Variants in GNB5 observed in about 807,000 individuals in gnomAD.
GNB5 encodes G protein subunit beta 5, also known as guanine nucleotide-binding protein subunit beta-5.
A neutral mutation model predicts 55.3 loss-of-function variants in GNB5; 37 were observed. The ratio of observed to expected loss-of-function variants is 0.67; its 90% CI spans 0.51 to 0.88. The LOEUF (loss-of-function observed/expected upper bound fraction) is 0.88. Among genes scored for constraint, GNB5 ranks in the 40% least tolerant of loss-of-function variants. GNB5 has a pLI of 0.00. For missense variants in GNB5, 476 were observed against 515.3 expected (o/e 0.92, Z 0.74); for synonymous variants, 219 against 198.5 (o/e 1.10, Z -0.87).
At chr15:52,148,378 G>T (rs2034021889) in intron 5 of GNB5, among the ~76,000 whole-genome samples, 1 of 152,284 alleles carries the variant, frequency 6.6e-6, no homozygotes, top group African/African-American at 2.4e-5. Flanking sequence ...ATGAGAACTG[G>T]TAAAATGGAA....
chr15:52,158,214 T>C (rs1300287719), intron 3 of GNB5, among the ~76,000 whole-genome samples: 3 of 152,250 alleles, frequency 2.0e-5, no homozygotes, highest in Non-Finnish European at 2.9e-5. Context: ...GGTCAAAGCC[T>C]GGCTCTGTCG....
intron 11 of GNB5, 78 bp downstream of exon 11, chr15:52,125,870 C>A (rs1474221070): frequency 2.9e-6 from 2 of 684,406 alleles, no homozygotes; most frequent in Admixed American, 2.3e-5. Flanking sequence ...TGAAAAGGAA[C>A]TGAGCGATGA....
rs533728773 is a variant in GNB5, at chr15:52,118,433, G to A, written c.*4324C>T. The A allele has an allele frequency of 6.6e-6, 1 of 152,026 alleles. No homozygotes were observed. Among genetic ancestry groups the A allele is most frequent in the Admixed American group, 6.6e-5 (1 of 15,264 alleles). 9.4% of individuals were successfully genotyped at this position (152,026 alleles called of 1,614,324 possible). A position where few individuals can be genotyped will look rare whatever the true frequency, so the allele number is the denominator to read the frequency against. On this transcript the variant is annotated 3_prime_UTR_variant, in exon 13 of 13. Coordinates refer to ENST00000261837, the MANE Select transcript of GNB5 (RefSeq NM_016194.4). The stretch of plus-strand genomic sequence containing the variant: ...TTTTCCAGAGACTACTGGCATGGGA[G>A]AAAGATCACCTTGATGGCTAATGGA...
At chr15:52,179,122 C>T in intron 3 of GNB5, among the ~76,000 whole-genome samples, 1 of 152,216 alleles carries the variant, frequency 6.6e-6, no homozygotes, top group East Asian at 1.9e-4. Flanking sequence ...TTTAAGATCG[C>T]TATGGCTTTT....
At chr15:52,155,642 T>C (rs28409853) in intron 3 of GNB5, among the ~76,000 whole-genome samples, 18,272 of 152,260 alleles carry the variant, frequency 0.12, 1,272 homozygotes, top group East Asian at 0.22. Context: ...CAGTTATATT[T>C]AGCCTCCAGT....
At chr15:52,169,366 G>A (rs1370416886) in intron 3 of GNB5, among the ~76,000 whole-genome samples, 3 of 150,966 alleles carry the variant, frequency 2.0e-5, no homozygotes, top group Non-Finnish European at 4.4e-5. Flanking sequence ...GTGAAACCCC[G>A]TCTCTACTAA....
intron 3 of GNB5, among the ~76,000 whole-genome samples, chr15:52,165,084 GAACAGA>G (rs1165654054): frequency 6.6e-6 from 1 of 152,120 alleles, no homozygotes; most frequent in Non-Finnish European, 1.5e-5. Context: ...AACAACAGCT[GAACAGA>G]CCAAGCATAG....
In GNB5 at chr15:52,115,265, A is replaced by G. The variant is rs2033126307; in HGVS notation, c.*7492T>C. 6.6e-6 allele frequency: 1 copy of G among 152,236 alleles called. No homozygotes were observed. The highest frequency in any genetic ancestry group is 6.5e-5 in the Admixed American group (1 of 15,280). 9.4% of individuals were successfully genotyped at this position (152,236 alleles called of 1,614,324 possible). On this transcript the variant is annotated 3_prime_UTR_variant, in exon 13 of 13. Transcript: ENST00000261837. ...TGGTAACTCAACAATGATGAAAAGA[A>G]CTAAACAACAAATGAATAAATTAAC...
chr15:52,174,532 A>C (rs896559817), intron 3 of GNB5, among the ~76,000 whole-genome samples: 1 of 152,186 alleles, frequency 6.6e-6, no homozygotes, highest in African/African-American at 2.4e-5. Flanking sequence ...CATATAAGCT[A>C]TTAATACTTC....
chr15:52,143,150 T>C (rs2033895195), intron 6 of GNB5, among the ~76,000 whole-genome samples: 1 of 149,286 alleles, frequency 6.7e-6, no homozygotes, highest in Non-Finnish European at 1.5e-5. Context: ...GTGAGATTCT[T>C]TGACTAAAAA....
intron 3 of GNB5, among the ~76,000 whole-genome samples, chr15:52,164,315 A>T (rs2034405434): frequency 9.7e-6 from 1 of 102,982 alleles, no homozygotes; most frequent in Non-Finnish European, 2.0e-5. Context: ...TCTTAAAAAA[A>T]AAAAAAAAAA....
intron 6 of GNB5, among the ~76,000 whole-genome samples, chr15:52,142,991 C>T (rs2033891998): frequency 6.6e-6 from 1 of 152,030 alleles, no homozygotes; most frequent in African/African-American, 2.4e-5. Context: ...CCCATCTCTA[C>T]TAAAAATACA....
chr15:52,139,577 T>C lies in GNB5; in HGVS notation c.627+1563A>G, dbSNP rs76163775. 3.2e-3 allele frequency: 730 copies of C among 230,090 alleles called. 7 individuals carry two copies. The highest frequency in any genetic ancestry group is 0.016 in the African/African-American group (708 of 43,786). 14.3% of individuals were successfully genotyped at this position (230,090 alleles called of 1,614,324 possible). On this transcript the variant is annotated intron_variant, in intron 7 of 12. Transcript: ENST00000261837. ...TCAGAAAACCTTATGCAGGACAGAT[T>C]TACTACTTTACTATCCTCATGTGCA... is the stretch of plus-strand genomic sequence containing the variant.
chr15:52,187,873 C>T (rs1030932493), intron 1 of GNB5, among the ~76,000 whole-genome samples: 8 of 151,916 alleles, frequency 5.3e-5, no homozygotes, highest in African/African-American at 9.7e-5. Flanking sequence ...TACTTGAAGC[C>T]GGGAAGCAGA....
At chr15:52,141,914 T>C (rs1382691447) in intron 6 of GNB5, among the ~76,000 whole-genome samples, 1 of 152,196 alleles carries the variant, frequency 6.6e-6, no homozygotes, top group African/African-American at 2.4e-5. Context: ...CAACCAAGGC[T>C]CACATATTGC....
At chr15:52,131,698 A>G (rs981181719) in intron 9 of GNB5, among the ~76,000 whole-genome samples, 2 of 152,104 alleles carry the variant, frequency 1.3e-5, no homozygotes, top group Non-Finnish European at 2.9e-5. Context: ...CTTATCCCAC[A>G]TTTGAGGGCA....
chr15:52,129,084 T>G (rs1392380604), intron 9 of GNB5, among the ~76,000 whole-genome samples: 1 of 151,900 alleles, frequency 6.6e-6, no homozygotes, highest in Non-Finnish European at 1.5e-5. Flanking sequence ...GCCTCCCAAG[T>G]AGCTGGGATT....
intron 3 of GNB5, among the ~76,000 whole-genome samples, chr15:52,178,099 T>C (rs1318926967): frequency 6.6e-6 from 1 of 152,180 alleles, no homozygotes; most frequent in African/African-American, 2.4e-5. Flanking sequence ...ATTGAATAAG[T>C]GAGTTTCTGG....
intron 3 of GNB5, among the ~76,000 whole-genome samples, chr15:52,160,578 T>C (rs893893054): frequency 3.9e-5 from 6 of 152,254 alleles, no homozygotes; most frequent in Admixed American, 3.9e-4. Flanking sequence ...TTGCCTTTTA[T>C]AGAATTATAG....
Sources: gnomAD v4.1 joint callset for allele counts (sites outside exome capture counted in the v4.1 genomes callset) on GRCh38, gnomAD v4.1.1 for gene constraint, MANE v1.5 for transcripts, NCBI Gene and HGNC (gene_info 2026-07-23, HGNC 2026-07-21) for gene names.